Variants in HAUS3 observed in about 807,000 individuals in gnomAD.
HAUS3 encodes the protein HAUS augmin like complex subunit 3, also known as HAUS augmin-like complex subunit 3.
In HAUS3, 36 loss-of-function variants were observed where a neutral mutation model predicts 55.2. The observed-to-expected ratio is 0.65, with a 90% CI of 0.50 to 0.86. The LOEUF is 0.86. Ranked by LOEUF, HAUS3 falls within the 40% of genes least tolerant of loss-of-function variation. The pLI is 0.00. For missense variants in HAUS3, 752 were observed against 671.5 expected, an observed-to-expected ratio of 1.12 and a Z score of -1.33; for synonymous variants, 234 against 238.6, an observed-to-expected ratio of 0.98 and a Z score of 0.18.
chr4:2,233,609 C>T (rs1734657675), intron 5 of HAUS3, among the ~76,000 whole-genome samples: 1 of 152,102 alleles, frequency 6.6e-6, no homozygotes, highest in South Asian at 2.1e-4. Flanking sequence ...AAGAATTGAA[C>T]ATTGAAATGT....
Position 2,240,986 on chromosome 4 carries a change from T to C in HAUS3, c.-40A>G. Reference sequence around the variant, plus strand: ...CAATTTTGTTGTATCTGATATGGGTTTACGGTGTTGATTTTTAGAAAATAA... The same window carrying C: ...CAATTTTGTTGTATCTGATATGGGTCTACGGTGTTGATTTTTAGAAAATAA... On this transcript the variant is annotated 5_prime_UTR_variant, in exon 3 of 6. Coordinates refer to ENST00000443786, the MANE Select transcript of HAUS3 (RefSeq NM_001303143.2). The C allele has an allele frequency of 7.0e-7, 1 of 1,435,376 alleles. No individual in the cohort carries two copies. Among genetic ancestry groups the C allele is most frequent in the Non-Finnish European group, 9.5e-7 (1 of 1,057,982 alleles). 88.9% of individuals were successfully genotyped at this position (1,435,376 alleles called of 1,614,324 possible). A position where few individuals can be genotyped will look rare whatever the true frequency, so the allele number is the denominator to read the frequency against.
At chr4:2,239,993 T>C (rs2108780804) in intron 3 of HAUS3, 45 bp downstream of exon 3, 1 of 1,457,318 alleles carries the variant, frequency 6.9e-7, no homozygotes, top group African/African-American at 1.4e-5. Context: ...CCTCTATTCC[T>C]AACAATAATT....
chr4:2,238,750 T>A lies in HAUS3; in HGVS notation c.1203A>T (p.Ile401=). The A allele has an allele frequency of 6.2e-7, 1 of 1,613,838 alleles. No individual in the cohort carries two copies. Among genetic ancestry groups the A allele is most frequent in the Non-Finnish European group, 8.5e-7 (1 of 1,179,842 alleles). The part of the protein sequence containing the change: ...YEIELRKHRD[I]YRQLENLVQE... Reference sequence around the variant, plus strand: ...GAACCAAATTTTCAAGTTGACGATATATGTCCCGATGCTTTCTTAATTCAA... The same window carrying A: ...GAACCAAATTTTCAAGTTGACGATAAATGTCCCGATGCTTTCTTAATTCAA... Residue 401 remains isoleucine, a synonymous_variant, in exon 4 of 6, where the codon ATA becomes ATT. Transcript: ENST00000443786.
Position 2,238,923 on chromosome 4 carries a change from C to A in HAUS3, c.1030G>T (p.Ala344Ser), listed in dbSNP as rs1277972566. 2 of 1,612,118 alleles carry A rather than the reference C, an allele frequency of 1.2e-6. No individual in the cohort carries two copies. Among genetic ancestry groups the A allele is most frequent in the African/African-American group, 2.7e-5 (2 of 74,806 alleles). Residue 344 changes from alanine to serine, a missense_variant, in exon 4 of 6, where the codon GCC becomes TCC. Coordinates refer to ENST00000443786, the MANE Select transcript of HAUS3 (RefSeq NM_001303143.2). ...RSLPAVVREN[A>S]QLLNMPVVKG... ...ACCACTGGCATATTCAATAACTGGGCATTCTCTCTTACCACAGCAGGTAAA... is the reference window on the plus strand; with the variant it reads ...ACCACTGGCATATTCAATAACTGGGAATTCTCTCTTACCACAGCAGGTAAA...
chr4:2,232,306 C>T lies in HAUS3; in HGVS notation c.1579-146G>A. 1 of 479,480 alleles carries T rather than the reference C, an allele frequency of 2.1e-6. No individual in the cohort carries two copies. Among genetic ancestry groups the T allele is most frequent in the Non-Finnish European group, 3.6e-6 (1 of 275,094 alleles). The allele number at this position is 479,480 out of a possible 1,614,324, so 29.7% of individuals were successfully genotyped here. A position where few individuals can be genotyped will look rare whatever the true frequency, so the allele number is the denominator to read the frequency against. On this transcript the variant is annotated intron_variant, in intron 5 of 5. Coordinates refer to ENST00000443786, the MANE Select transcript of HAUS3 (RefSeq NM_001303143.2). ...AATAAATAAACCTCGATTTAAAATCCATAACAGGTTTAATATAAATTCTAA... is the reference window on the plus strand; with the variant it reads ...AATAAATAAACCTCGATTTAAAATCTATAACAGGTTTAATATAAATTCTAA...
Position 2,240,687 on chromosome 4 carries a change from G to T in HAUS3, c.260C>A (p.Ser87Tyr). The T allele has an allele frequency of 6.2e-7, 1 of 1,613,966 alleles. No individual in the cohort carries two copies. The highest frequency in any genetic ancestry group is 8.5e-7 in the Non-Finnish European group (1 of 1,179,976). ...LDEALKTCKTSDLKTPRLDDK... is the reference protein window; with the variant it reads ...LDEALKTCKTYDLKTPRLDDK... ...ATCCAGTCTAGGTGTCTTCAAATCA[G>T]AAGTTTTACACGTTTTAAGAGCTTC... Residue 87 changes from serine (S) to tyrosine (Y), a missense_variant, in exon 3 of 6, where the codon TCT becomes TAT. By Grantham distance (144) the Ser-to-Tyr change is moderately radical (BLOSUM62 -2). Transcript: ENST00000443786.
rs904145505 is a variant in HAUS3 at position 2,231,231 on chromosome 4, T to C, written c.*696A>G. On this transcript the variant is annotated 3_prime_UTR_variant, in exon 6 of 6. Coordinates refer to ENST00000443786, the MANE Select transcript of HAUS3 (RefSeq NM_001303143.2). ...CAGAATTTTATTTGACAGTCAAACA[T>C]GAGGGGACTTGGCTATTTCACATAT... is the stretch of plus-strand genomic sequence containing the variant. The C allele has an allele frequency of 1.3e-5, 2 of 152,236 alleles. No individual in the cohort carries two copies. Among genetic ancestry groups the C allele is most frequent in the African/African-American group, 4.8e-5 (2 of 41,456 alleles). The allele number at this position is 152,236 out of a possible 1,614,324, so 9.4% of individuals were successfully genotyped here.
chr4:2,238,383 G>A (rs1040441718), intron 4 of HAUS3, among the ~76,000 whole-genome samples: 1 of 150,670 alleles, frequency 6.6e-6, no homozygotes, highest in Non-Finnish European at 1.5e-5. Flanking sequence ...ATCCACTTAA[G>A]CTATAAAGTA....
At chr4:2,236,093 G>T (rs1374024644) in intron 5 of HAUS3, 135 bp downstream of exon 5, 2 of 554,182 alleles carry the variant, frequency 3.6e-6, no homozygotes, top group East Asian at 2.9e-5. Context: ...CAAAAATTAG[G>T]AGATATAGAA....
At chr4:2,236,584 T>G in intron 4 of HAUS3, 128 bp from the exon 5 acceptor site, 1 of 667,448 alleles carries the variant, frequency 1.5e-6, no homozygotes, top group Non-Finnish European at 2.6e-6. Flanking sequence ...ATTGGCCGGG[T>G]ACAGTAGCTC....
Position 2,229,303 on chromosome 4 carries a change from G to T in HAUS3, c.*2624C>A. On this transcript the variant is annotated 3_prime_UTR_variant, in exon 6 of 6. Transcript: ENST00000443786. ...TATTAATCCTAAGACTATAAAACAG[G>T]AAATACAATTATTTTCAAAAATTTA... 1.5e-6 allele frequency: 2 copies of T among 1,316,918 alleles called. No homozygotes were observed. The highest frequency in any genetic ancestry group is 2.0e-6 in the Non-Finnish European group (2 of 981,284). The allele number at this position is 1,316,918 out of a possible 1,614,324, so 81.6% of individuals were successfully genotyped here. A position where few individuals can be genotyped will look rare whatever the true frequency, so the allele number is the denominator to read the frequency against.
chr4:2,234,016 T>C (rs1052221761), intron 5 of HAUS3, among the ~76,000 whole-genome samples: 3 of 151,520 alleles, frequency 2.0e-5, no homozygotes, highest in Admixed American at 2.0e-4. Flanking sequence ...AAAAGCTATA[T>C]ACACAAAGAT....
intron 1 of HAUS3, 23 bp downstream of exon 1, chr4:2,242,028 G>C: frequency 2.0e-6 from 2 of 985,578 alleles, no homozygotes; most frequent in Non-Finnish European, 1.2e-6. Flanking sequence ...CCTGCGCCCA[G>C]AACCGAGGCC....
Position 2,232,032 on chromosome 4 carries a change from T to G in HAUS3, c.1707A>C (p.Glu569Asp). 1.3e-6 allele frequency: 2 copies of G among 1,516,428 alleles called. No individual in the cohort carries two copies. The highest frequency in any genetic ancestry group is 1.8e-6 in the Non-Finnish European group (2 of 1,096,844). 93.9% of individuals were successfully genotyped at this position (1,516,428 alleles called of 1,614,324 possible). A position where few individuals can be genotyped will look rare whatever the true frequency, so the allele number is the denominator to read the frequency against. Reference protein sequence around the residue: ...TLANNKLHQMEREFYVYFLKD... With the variant: ...TLANNKLHQMDREFYVYFLKD... ...TTAAAAAATATACATAGAATTCTCT[T>G]TCCATTTGATGTAATTTATTATTTG... Residue 569 changes from glutamate to aspartate, a missense_variant, in exon 6 of 6, where the codon GAA (glutamate) becomes GAC (aspartate). By Grantham distance (45) the Glu-to-Asp change is conservative (BLOSUM62 2). Coordinates refer to ENST00000443786, the MANE Select transcript of HAUS3 (RefSeq NM_001303143.2).
Position 2,240,867 on chromosome 4 carries a change from A to T in HAUS3, c.80T>A (p.Phe27Tyr), listed in dbSNP as rs1339110716. The T allele has an allele frequency of 6.2e-7, 1 of 1,611,928 alleles. No individual in the cohort carries two copies. Among genetic ancestry groups the T allele is most frequent in the Admixed American group, 1.7e-5 (1 of 59,768 alleles). Residue 27 changes from phenylalanine (F) to tyrosine (Y), a missense_variant, in exon 3 of 6, where the codon TTT becomes TAT. Physicochemically the swap from Phe to Tyr is conservative, Grantham distance 22. Transcript: ENST00000443786. The stretch of plus-strand genomic sequence containing the variant: ...TTCAACGCCCTCAAACAACCAGTCA[A>T]AGTCTTCTCCATTAAGATTATCAGC... ...PKADNLNGEDFDWLFEGVEDE... is the reference protein window; with the variant it reads ...PKADNLNGEDYDWLFEGVEDE...
At chr4:2,238,538 ACT>A in intron 4 of HAUS3, 64 bp downstream of exon 4, 3 of 1,049,830 alleles carry the variant, frequency 2.9e-6, no homozygotes, top group Non-Finnish European at 2.6e-6. Context: ...TTTAGCTCAA[ACT>A]CTCTCTAGTA....
Position 2,240,222 on chromosome 4 carries a change from T to C in HAUS3, c.725A>G (p.Asp242Gly), listed in dbSNP as rs780105566. 4.3e-6 allele frequency: 7 copies of C among 1,613,852 alleles called. No individual in the cohort carries two copies. Among genetic ancestry groups the C allele is most frequent in the Non-Finnish European group, 5.9e-6 (7 of 1,179,870 alleles). Reference protein sequence around the residue: ...SSNEDNFQLLDIQTPSICDNQ... With the variant: ...SSNEDNFQLLGIQTPSICDNQ... ...ATCACAAATAGATGGTGTCTGTATA[T>C]CTAAAAGTTGAAAATTGTCTTCATT... is the stretch of plus-strand genomic sequence containing the variant. Residue 242 changes from aspartate to glycine, a missense_variant, in exon 3 of 6, where the codon GAT (aspartate) becomes GGT (glycine). Physicochemically the swap from Asp to Gly is moderately conservative, Grantham distance 94. Transcript: ENST00000443786.
At chr4:2,234,175 G>A (rs1423368833) in intron 5 of HAUS3, 1 of 152,180 alleles carries the variant, frequency 6.6e-6, no homozygotes, top group Non-Finnish European at 1.5e-5. Flanking sequence ...TATTTAGAGA[G>A]TAAAAATGTT....
At chr4:2,241,983 G>T in intron 1 of HAUS3, 68 bp downstream of exon 1, 1 of 985,578 alleles carries the variant, frequency 1.0e-6, no homozygotes, top group Non-Finnish European at 1.2e-6. Context: ...CCTGGGTGCA[G>T]ACGGGGATCG....
Sources: allele counts gnomAD v4.1 joint callset (sites outside exome capture counted in the v4.1 genomes callset), GRCh38; gene constraint gnomAD v4.1.1; transcripts MANE v1.5; gene names NCBI Gene and HGNC (gene_info 2026-07-23, HGNC 2026-07-21).